MAD1L1: variants seen among roughly 807,000 people sequenced by gnomAD.
MAD1L1 encodes mitotic spindle assembly checkpoint protein MAD1.
Under a neutral mutation model 96.9 loss-of-function variants are expected in MAD1L1, and 95 were observed. That is an observed-to-expected ratio of 0.98 (90% CI 0.83 to 1.16). MAD1L1 has a LOEUF of 1.16. Ranked by LOEUF, MAD1L1 falls within the 50% of genes most tolerant of loss-of-function variation. The pLI, the probability that MAD1L1 is intolerant of heterozygous loss-of-function variation, is 0.00. For synonymous variants in MAD1L1, 473 were observed against 396.6 expected (o/e 1.19, Z -2.29); for missense variants, 1,007 against 954.4 (o/e 1.06, Z -0.73).
At chr7:2,196,275 C>T (rs1303164964) in intron 10 of MAD1L1, among the ~76,000 whole-genome samples, 1 of 152,234 alleles carries the variant, frequency 6.6e-6, no homozygotes. Flanking sequence ...ACAGTGCCAT[C>T]CTGCCAGCAA....
chr7:1,936,607 G>A, intron 17 of MAD1L1, 80 bp downstream of exon 17: 1 of 1,388,210 alleles, frequency 7.2e-7, no homozygotes, highest in African/African-American at 1.4e-5. Flanking sequence ...AGGGGCGCCT[G>A]AGGCTGCCCC....
chr7:2,173,275 A>C (rs1441854424), intron 10 of MAD1L1, among the ~76,000 whole-genome samples: 3 of 152,098 alleles, frequency 2.0e-5, no homozygotes, highest in Non-Finnish European at 4.4e-5. Flanking sequence ...ATGGAAGAGG[A>C]GGCCATGGCT....
chr7:1,935,704 G>A (rs1478371750), intron 17 of MAD1L1, among the ~76,000 whole-genome samples: 1 of 152,240 alleles, frequency 6.6e-6, no homozygotes, highest in Non-Finnish European at 1.5e-5. Context: ...ACAGTACAGG[G>A]CGCGATGGCA....
rs539446080 is a variant in MAD1L1, at chr7:2,214,584, C to T, written c.924+1301G>A. On this transcript the variant is annotated intron_variant, in intron 9 of 18. Coordinates refer to ENST00000265854, the MANE Select transcript of MAD1L1 (RefSeq NM_001013836.2). ...AGGCCCCACAACCACCGGAGAAAGG[C>T]GGCATAGGTGTGCCAGGCACAGAGG... Among the ~76,000 whole-genome samples the T allele has an allele frequency of 7.2e-5, 11 of 152,268 alleles. No individual in the cohort carries two copies. In the South Asian group the frequency reaches 8.3e-4, roughly 11 times the overall value.
chr7:1,838,648 C>T, intron 18 of MAD1L1: 3 of 419,390 alleles, frequency 7.2e-6, no homozygotes, highest in South Asian at 5.3e-5. Flanking sequence ...ACAACACAGA[C>T]AGCGGCTGCC....
At chr7:2,204,759 G>C (rs1227391567) in intron 10 of MAD1L1, among the ~76,000 whole-genome samples, 3 of 152,198 alleles carry the variant, frequency 2.0e-5, no homozygotes, top group African/African-American at 7.2e-5. Flanking sequence ...TCCTGTACAA[G>C]TCTTCATGAG....
intron 1 of MAD1L1, among the ~76,000 whole-genome samples, chr7:2,231,452 T>C (rs1398835108): frequency 6.6e-6 from 1 of 150,936 alleles, no homozygotes; most frequent in Non-Finnish European, 1.5e-5. Flanking sequence ...AAACCCCATC[T>C]CTACTAAAGC....
chr7:2,183,952 A>C (rs955336268), intron 10 of MAD1L1, among the ~76,000 whole-genome samples: 1 of 152,066 alleles, frequency 6.6e-6, no homozygotes, highest in Non-Finnish European at 1.5e-5. Context: ...AAAGCTATTA[A>C]GCAAAAGAAA....
chr7:1,845,904 G>C (rs564086636), intron 18 of MAD1L1: 21 of 152,610 alleles, frequency 1.4e-4, no homozygotes, highest in Non-Finnish European at 2.9e-4. Context: ...CTGCTGCCTC[G>C]GGGACAAAGC....
At chr7:1,870,334 G>A (rs1784990893) in intron 18 of MAD1L1, among the ~76,000 whole-genome samples, 1 of 147,602 alleles carries the variant, frequency 6.8e-6, no homozygotes, top group East Asian at 2.0e-4. Flanking sequence ...CTGCCACGGT[G>A]AACCTACCGT....
Position 2,069,341 on chromosome 7 carries a change from G to T in MAD1L1, c.1074-3C>A, listed in dbSNP as rs1208967211. 2 of 1,586,660 alleles carry T rather than the reference G, an allele frequency of 1.3e-6. No homozygotes were observed. The highest frequency in any genetic ancestry group is 1.7e-6 in the Non-Finnish European group (2 of 1,171,104). On this transcript the variant is annotated splice_polypyrimidine_tract_variant and splice_region_variant and intron_variant, in intron 11 of 18. Coordinates refer to ENST00000265854, the MANE Select transcript of MAD1L1 (RefSeq NM_001013836.2). The stretch of plus-strand genomic sequence containing the variant: ...TGGCCTTCTCCAGCCCCCGGGCGCT[G>T]CATGGGAGAGACAAGAGGGCAAAGC...
intron 11 of MAD1L1, among the ~76,000 whole-genome samples, chr7:2,075,382 C>T (rs571659835): frequency 5.3e-5 from 8 of 152,332 alleles, no homozygotes; most frequent in South Asian, 4.1e-4. Context: ...TGAGCCACAG[C>T]GGCACCAGCG....
chr7:1,934,624 G>A (rs974621230), intron 17 of MAD1L1, among the ~76,000 whole-genome samples: 2 of 150,666 alleles, frequency 1.3e-5, no homozygotes, highest in Non-Finnish European at 2.9e-5. Flanking sequence ...GGAACGAACA[G>A]ACGGGCGAAC....
intron 14 of MAD1L1, 128 bp downstream of exon 14, chr7:2,001,937 G>C: frequency 2.1e-6 from 2 of 941,554 alleles, no homozygotes; most frequent in Non-Finnish European, 3.3e-6. Context: ...GCTCAACGCA[G>C]CTTCCGACGA....
chr7:2,137,373 C>T (rs1372280443), intron 11 of MAD1L1, among the ~76,000 whole-genome samples: 3 of 152,330 alleles, frequency 2.0e-5, no homozygotes, highest in Admixed American at 2.0e-4. Context: ...TCTTCTCAAA[C>T]GTATATGGCA....
At chr7:2,201,374 C>G (rs1375687200) in intron 10 of MAD1L1, among the ~76,000 whole-genome samples, 1 of 152,142 alleles carries the variant, frequency 6.6e-6, no homozygotes, top group Non-Finnish European at 1.5e-5. Flanking sequence ...AGGGCACCCC[C>G]TGCTCTACCT....
chr7:2,165,166 T>C (rs970334503), intron 10 of MAD1L1, among the ~76,000 whole-genome samples: 7 of 149,652 alleles, frequency 4.7e-5, no homozygotes, highest in African/African-American at 1.7e-4. Flanking sequence ...ATCGCACCAT[T>C]GCACTCCAGC....
At chr7:1,889,421 G>A (rs1301177498) in intron 18 of MAD1L1, among the ~76,000 whole-genome samples, 1 of 152,208 alleles carries the variant, frequency 6.6e-6, no homozygotes, top group Non-Finnish European at 1.5e-5. Flanking sequence ...GTACTGCTAG[G>A]GTCCCTCAGG....
intron 11 of MAD1L1, chr7:2,079,764 G>A (rs1436362614): frequency 8.5e-6 from 4 of 470,782 alleles, no homozygotes; most frequent in Non-Finnish European, 1.8e-5. Context: ...CGGCCGCAGG[G>A]AGACCATAAA....
Sources: gnomAD v4.1 joint callset for allele counts (sites outside exome capture counted in the v4.1 genomes callset) on GRCh38, gnomAD v4.1.1 for gene constraint, MANE v1.5 for transcripts, NCBI Gene and HGNC (gene_info 2026-07-23, HGNC 2026-07-21) for gene names.